SPTBN1: variants seen among roughly 807,000 people sequenced by gnomAD.
The protein encoded by SPTBN1 is spectrin beta, non-erythrocytic 1.
Under a neutral mutation model 266.4 loss-of-function variants are expected in SPTBN1, and 32 were observed. That is an observed-to-expected ratio of 0.12 (90% CI 0.09 to 0.16). SPTBN1 has a LOEUF of 0.16. Ranked by LOEUF, SPTBN1 falls within the 10% of genes least tolerant of loss-of-function variation. SPTBN1 has a pLI of 1.00. For synonymous variants in SPTBN1, 1,336 were observed against 1,162.2 expected, an observed-to-expected ratio of 1.15 and a Z score of -3.04; for missense variants, 2,296 against 3,067.1, an observed-to-expected ratio of 0.75 and a Z score of 5.94.
At chr2:54,623,842 C>A (rs1678151902) in intron 10 of SPTBN1, among the ~76,000 whole-genome samples, 1 of 152,240 alleles carries the variant, frequency 6.6e-6, no homozygotes, top group African/African-American at 2.4e-5. Flanking sequence ...AGGCTATACA[C>A]CTTGCTACTC....
At chr2:54,468,823 A>G (rs1219149559) in intron 1 of SPTBN1, among the ~76,000 whole-genome samples, 2 of 152,254 alleles carry the variant, frequency 1.3e-5, no homozygotes, top group Non-Finnish European at 2.9e-5. Context: ...AGACATCTCC[A>G]TATGCTTCGG....
At chr2:54,583,474 C>A (rs1675083766) in intron 2 of SPTBN1, among the ~76,000 whole-genome samples, 1 of 152,086 alleles carries the variant, frequency 6.6e-6, no homozygotes, top group South Asian at 2.1e-4. Flanking sequence ...TGAGAAGATA[C>A]CTGGAGGCTG....
chr2:54,588,575 C>T (rs1208062852), intron 2 of SPTBN1, among the ~76,000 whole-genome samples: 1 of 152,158 alleles, frequency 6.6e-6, no homozygotes, highest in African/African-American at 2.4e-5. Flanking sequence ...TGTGCCTCAG[C>T]CACCTCAGTT....
intron 2 of SPTBN1, among the ~76,000 whole-genome samples, chr2:54,593,133 G>A (rs549475227): frequency 9.9e-5 from 15 of 152,234 alleles, no homozygotes; most frequent in African/African-American, 3.4e-4. Flanking sequence ...TTGAGGGTGG[G>A]TTTCTTGTCT....
chr2:54,488,744 G>T (rs1395098497), intron 1 of SPTBN1, among the ~76,000 whole-genome samples: 2 of 151,972 alleles, frequency 1.3e-5, no homozygotes, highest in African/African-American at 2.4e-5. Context: ...TACATTTTGT[G>T]TAGGGAAAAA....
intron 2 of SPTBN1, among the ~76,000 whole-genome samples, chr2:54,565,782 C>A (rs1673620565): frequency 6.6e-6 from 1 of 152,176 alleles, no homozygotes; most frequent in Non-Finnish European, 1.5e-5. Context: ...TGAAGTTTCC[C>A]TGGAAACATC....
At chr2:54,598,192 A>G (rs1676233303) in intron 2 of SPTBN1, among the ~76,000 whole-genome samples, 2 of 152,190 alleles carry the variant, frequency 1.3e-5, no homozygotes, top group South Asian at 4.1e-4. Context: ...ACAGAATTTG[A>G]TTACTGAGCT....
At chr2:54,484,188 CAACAA>C (rs1558766478) in intron 1 of SPTBN1, among the ~76,000 whole-genome samples, 1 of 152,124 alleles carries the variant, frequency 6.6e-6, no homozygotes, top group African/African-American at 2.4e-5. Context: ...CCTGTCTCAA[CAACAA>C]AACAAAACCA....
chr2:54,462,873 C>CT (rs765188315), intron 1 of SPTBN1, among the ~76,000 whole-genome samples: 6 of 152,348 alleles, frequency 3.9e-5, no homozygotes, highest in Non-Finnish European at 8.8e-5. Context: ...TAATGGTACT[C>CT]TTTTTCCACT....
chr2:54,635,368 G>T (rs1340050260), intron 17 of SPTBN1, among the ~76,000 whole-genome samples: 2 of 152,204 alleles, frequency 1.3e-5, no homozygotes, highest in Non-Finnish European at 2.9e-5. Flanking sequence ...CCAGATGCCT[G>T]TGTGGCTGTG....
At chr2:54,648,848 TA>T in intron 24 of SPTBN1, 137 bp from the exon 25 acceptor site, 1 of 820,072 alleles carries the variant, frequency 1.2e-6, no homozygotes, top group Non-Finnish European at 1.9e-6. Context: ...TTTTTCATGC[TA>T]AGTGGGTTAA....
chr2:54,653,625 A>T lies in SPTBN1; in HGVS notation c.5594A>T (p.Glu1865Val), dbSNP rs780273253. The stretch of plus-strand genomic sequence containing the variant: ...GCTTCACAGGTGAGGCAGCTGCAGG[A>T]GGATGCAGCCCGCCTCCAGGCGGCC... ...ALGTQVRQLQ[E>V]DAARLQAAYA... The change falls in exon 27 of 36, where the codon GAG becomes GTG. Residue 1865 changes from glutamate to valine, a missense_variant. By Grantham distance (121) the Glu-to-Val change is moderately radical. This residue lies in a region of SPTBN1 where 644 missense variants were observed against 745.3 expected (regional missense o/e 0.86). Coordinates refer to ENST00000356805, the MANE Select transcript of SPTBN1 (RefSeq NM_003128.3). The surrounding 1 kb of genome is among the most constrained non-coding windows in gnomAD (Gnocchi z 5.1). 6.2e-7 allele frequency: 1 copy of T among 1,613,586 alleles called. No individual in the cohort carries two copies. Among genetic ancestry groups the T allele is most frequent in the Non-Finnish European group, 8.5e-7 (1 of 1,179,890 alleles).
chr2:54,482,301 G>A (rs1277834672), intron 1 of SPTBN1, among the ~76,000 whole-genome samples: 1 of 151,002 alleles, frequency 6.6e-6, no homozygotes, highest in Non-Finnish European at 1.5e-5. Flanking sequence ...GATCACTTGA[G>A]TCCAGAAGTT....
At chr2:54,538,870 G>C (rs540696436) in intron 2 of SPTBN1, among the ~76,000 whole-genome samples, 1 of 152,100 alleles carries the variant, frequency 6.6e-6, no homozygotes, top group African/African-American at 2.4e-5. Flanking sequence ...CGGAGATGCC[G>C]GGCCATTTGC....
intron 4 of SPTBN1, among the ~76,000 whole-genome samples, chr2:54,613,330 AC>A (rs1235849278): frequency 6.6e-6 from 1 of 152,120 alleles, no homozygotes; most frequent in African/African-American, 2.4e-5. Flanking sequence ...TTCTGGGTAA[AC>A]AAAAACCTCA....
chr2:54,541,753 C>G (rs1671953529), intron 2 of SPTBN1, among the ~76,000 whole-genome samples: 1 of 152,058 alleles, frequency 6.6e-6, no homozygotes. Flanking sequence ...TAATTTTCAA[C>G]CATTTCAGTA....
chr2:54,597,342 A>C (rs538986062), intron 2 of SPTBN1, among the ~76,000 whole-genome samples: 1 of 152,222 alleles, frequency 6.6e-6, no homozygotes, highest in Admixed American at 6.5e-5. Flanking sequence ...TACGTGATCA[A>C]TAATGCATGT....
intron 24 of SPTBN1, 78 bp from the exon 25 acceptor site, chr2:54,648,908 C>T: frequency 7.6e-7 from 1 of 1,317,410 alleles, no homozygotes; most frequent in Non-Finnish European, 1.1e-6. Flanking sequence ...CCCATTATCT[C>T]CACCTCATTT....
Position 54,619,768 on chromosome 2 carries a change from C to T in SPTBN1, c.763+1575C>T, listed in dbSNP as rs184270713. Among the ~76,000 whole-genome samples, 216 of 152,236 alleles carry T rather than the reference C, an allele frequency of 1.4e-3. 1 individual carries two copies. Among genetic ancestry groups the T allele is most frequent in the Admixed American group, 5.2e-3 (79 of 15,304 alleles). On this transcript the variant is annotated intron_variant, in intron 7 of 35. Transcript: ENST00000356805. Reference sequence around the variant, plus strand: ...TTTGTGCACACTTTGACGGGCTGAGCGGACACAGGAGCCCTGGGGTAGGGA... The same window carrying T: ...TTTGTGCACACTTTGACGGGCTGAGTGGACACAGGAGCCCTGGGGTAGGGA...
Sources: gnomAD v4.1 joint callset for allele counts (sites outside exome capture counted in the v4.1 genomes callset) on GRCh38, gnomAD v4.1.1 for gene constraint, gnomAD v4.1.1 regional missense constraint, Gnocchi (gnomAD v3.1) non-coding constraint, MANE v1.5 for transcripts, NCBI Gene and HGNC (gene_info 2026-07-23, HGNC 2026-07-21) for gene names.